DLG2: variants seen among roughly 807,000 people sequenced by gnomAD.
DLG2 encodes the protein disks large homolog 2.
In DLG2, 45 loss-of-function variants were observed where a neutral mutation model predicts 132.5. That is an observed-to-expected ratio of 0.34 (90% CI 0.27 to 0.44). The LOEUF (loss-of-function observed/expected upper bound fraction) is 0.44. Ranked by LOEUF, DLG2 falls within the 20% of genes least tolerant of loss-of-function variation. The probability of loss-of-function intolerance (pLI) is 1.00; values close to 1 mark genes in which losing one functional copy is unlikely to be tolerated. For synonymous variants in DLG2, 424 were observed against 419.6 expected (o/e 1.01, Z -0.13); for missense variants, 1,045 against 1,196.9 (o/e 0.87, Z 1.87).
intron 3 of DLG2, among the ~76,000 whole-genome samples, chr11:85,369,318 CG>C (rs2084794849): frequency 6.6e-6 from 1 of 152,140 alleles, no homozygotes; most frequent in Non-Finnish European, 1.5e-5. Flanking sequence ...CCTTTCCCCC[CG>C]CCAAGAGGTT....
chr11:85,550,653 T>G (rs1038604655), intron 3 of DLG2, among the ~76,000 whole-genome samples: 1 of 152,206 alleles, frequency 6.6e-6, no homozygotes, highest in African/African-American at 2.4e-5. Context: ...GGAAATATCT[T>G]GCTTCAAAGG....
At chr11:84,116,461 G>A (rs1342213157) in intron 9 of DLG2, among the ~76,000 whole-genome samples, 4 of 152,142 alleles carry the variant, frequency 2.6e-5, no homozygotes, top group South Asian at 4.2e-4. Flanking sequence ...GAGGTCTCAC[G>A]ATCATGGTGG....
intron 8 of DLG2, among the ~76,000 whole-genome samples, chr11:84,196,405 T>C (rs11233940): frequency 0.015 from 2,347 of 152,134 alleles, 70 homozygotes; most frequent in African/African-American, 0.054. Flanking sequence ...TGTGAGAAAG[T>C]GTTGAGCGGC....
chr11:85,423,148 C>G (rs2090450161), intron 3 of DLG2, among the ~76,000 whole-genome samples: 1 of 152,168 alleles, frequency 6.6e-6, no homozygotes, highest in Non-Finnish European at 1.5e-5. Context: ...TGAGGTAGAA[C>G]TCTCCCCTTT....
rs141406450 is a variant in DLG2 at position 84,062,454 on chromosome 11, T to C, written c.750-2970A>G. Among the ~76,000 whole-genome samples the C allele has an allele frequency of 5.5e-3, 844 of 152,320 alleles. 5 individuals carry two copies. Among genetic ancestry groups the C allele is most frequent in the Non-Finnish European group, 8.2e-3 (560 of 68,028 alleles). On this transcript the variant is annotated intron_variant, in intron 10 of 27. Transcript: ENST00000376104. ...ACCATAGATCTGAAAGTTCTTGCTA[T>C]TGAGTGGATCAAAGATGTGCTCAAG...
At chr11:84,014,807 A>C (rs981196661) in intron 11 of DLG2, among the ~76,000 whole-genome samples, 1 of 151,658 alleles carries the variant, frequency 6.6e-6, no homozygotes, top group African/African-American at 2.4e-5. Flanking sequence ...GCACAGGTGC[A>C]CCTGCCTACA....
chr11:83,719,219 G>A (rs1402102780), intron 18 of DLG2, among the ~76,000 whole-genome samples: 1 of 152,196 alleles, frequency 6.6e-6, no homozygotes, highest in African/African-American at 2.4e-5. Flanking sequence ...TGGATGCAGT[G>A]TTAGAGGACT....
At chr11:85,528,405 G>C (rs532984750) in intron 3 of DLG2, among the ~76,000 whole-genome samples, 1 of 152,204 alleles carries the variant, frequency 6.6e-6, no homozygotes, top group South Asian at 2.1e-4. Flanking sequence ...ACTGCATATG[G>C]CTAGCCAGTT....
At chr11:85,606,759 C>T (rs890150281) in intron 2 of DLG2, among the ~76,000 whole-genome samples, 16 of 152,160 alleles carry the variant, frequency 1.1e-4, no homozygotes, top group African/African-American at 3.9e-4. Flanking sequence ...CTCCTGAAGT[C>T]AGCGAGACCA....
chr11:85,408,124 A>G (rs1440126586), intron 3 of DLG2, among the ~76,000 whole-genome samples: 2 of 150,772 alleles, frequency 1.3e-5, no homozygotes, highest in Admixed American at 6.6e-5. Context: ...TATCTTAAAA[A>G]TTCTGTAACA....
intron 16 of DLG2, among the ~76,000 whole-genome samples, chr11:83,866,815 T>A (rs894242788): frequency 1.3e-5 from 2 of 152,116 alleles, no homozygotes; most frequent in African/African-American, 4.8e-5. Context: ...ACAAGGTCAA[T>A]ACTACTGGCA....
chr11:83,770,827 T>C (rs2094363073), intron 18 of DLG2, among the ~76,000 whole-genome samples: 1 of 152,168 alleles, frequency 6.6e-6, no homozygotes, highest in Admixed American at 6.6e-5. Flanking sequence ...TCCTTAATAT[T>C]TCAACATCAA....
chr11:84,157,198 A>G (rs1294362543), intron 9 of DLG2, among the ~76,000 whole-genome samples: 2 of 152,002 alleles, frequency 1.3e-5, no homozygotes, highest in African/African-American at 4.8e-5. Flanking sequence ...TCTTAACTGA[A>G]CTCCAAAGTT....
intron 3 of DLG2, among the ~76,000 whole-genome samples, chr11:85,424,194 G>T (rs999655275): frequency 6.6e-6 from 1 of 152,144 alleles, no homozygotes; most frequent in African/African-American, 2.4e-5. Flanking sequence ...TTCCCTAGCT[G>T]GGGGGTGTGT....
chr11:85,144,525 A>T (rs533257438), intron 5 of DLG2, among the ~76,000 whole-genome samples: 2 of 151,746 alleles, frequency 1.3e-5, no homozygotes, highest in Non-Finnish European at 3.0e-5. Context: ...TCCTTTGTGT[A>T]AAAGTGATTT....
chr11:84,711,590 T>C (rs2060458672), intron 6 of DLG2, among the ~76,000 whole-genome samples: 1 of 151,644 alleles, frequency 6.6e-6, no homozygotes, highest in Non-Finnish European at 1.5e-5. Flanking sequence ...GCCAGCAGGC[T>C]CAAAACCCAA....
chr11:84,861,208 C>A (rs1169247275), intron 6 of DLG2, among the ~76,000 whole-genome samples: 1 of 151,998 alleles, frequency 6.6e-6, no homozygotes, highest in Admixed American at 6.6e-5. Flanking sequence ...GATAAAAGAA[C>A]TGGCTTCCTA....
chr11:84,353,285 G>A (rs994105040), intron 7 of DLG2, among the ~76,000 whole-genome samples: 1 of 152,140 alleles, frequency 6.6e-6, no homozygotes, highest in Non-Finnish European at 1.5e-5. Flanking sequence ...AAGACTTAGA[G>A]ACGCATCATA....
intron 21 of DLG2, among the ~76,000 whole-genome samples, chr11:83,494,086 G>A (rs1308803017): frequency 1.3e-5 from 2 of 151,900 alleles, no homozygotes; most frequent in Non-Finnish European, 2.9e-5. Context: ...TGCCTCATTA[G>A]AGTCTGCCTA....
Sources: gnomAD v4.1 joint callset for allele counts (sites outside exome capture counted in the v4.1 genomes callset) on GRCh38, gnomAD v4.1.1 for gene constraint, MANE v1.5 for transcripts, NCBI Gene and HGNC (gene_info 2026-07-23, HGNC 2026-07-21) for gene names.